SKAP1: variants seen among roughly 807,000 people sequenced by gnomAD.
The protein encoded by SKAP1 is src kinase-associated phosphoprotein 1.
In SKAP1, 44 loss-of-function variants were observed where a neutral mutation model predicts 58.5. The observed-to-expected ratio is 0.75, with a 90% CI of 0.59 to 0.97. The LOEUF (loss-of-function observed/expected upper bound fraction) is 0.97, where lower values mean the gene tolerates loss of function less well. SKAP1 is among the 50% of genes least tolerant of loss of function. The pLI, the probability that SKAP1 is intolerant of heterozygous loss-of-function variation, is 0.00. For missense variants in SKAP1, 390 were observed against 435.2 expected (o/e 0.90, Z 0.92); for synonymous variants, 127 against 149.7 (o/e 0.85, Z 1.11).
intron 4 of SKAP1, among the ~76,000 whole-genome samples, chr17:48,342,325 T>A (rs1284220649): frequency 6.6e-6 from 1 of 152,190 alleles, no homozygotes; most frequent in South Asian, 2.1e-4. Flanking sequence ...GAGAAGGAAT[T>A]GTAATTAGGT....
Position 48,430,188 on chromosome 17 carries a change from G to T in SKAP1, c.-68C>A. ...TCGGGAGGCGGACGGGCTGGAAGGC[G>T]ACCCGGCTGCACCGCGAGGCACCTG... On this transcript the variant is annotated 5_prime_UTR_variant, in exon 1 of 13. Coordinates refer to ENST00000336915, the MANE Select transcript of SKAP1 (RefSeq NM_003726.4). 4 of 1,172,636 alleles carry T rather than the reference G, an allele frequency of 3.4e-6. No individual in the cohort carries two copies. Among genetic ancestry groups the T allele is most frequent in the South Asian group, 8.5e-5 (2 of 23,470 alleles). 72.6% of individuals were successfully genotyped at this position (1,172,636 alleles called of 1,614,324 possible).
intron 3 of SKAP1, among the ~76,000 whole-genome samples, chr17:48,350,473 A>G (rs1474928432): frequency 6.6e-6 from 1 of 152,200 alleles, no homozygotes; most frequent in Non-Finnish European, 1.5e-5. Context: ...AGGCAGGCAG[A>G]TCACCTGAGT....
intron 1 of SKAP1, among the ~76,000 whole-genome samples, chr17:48,410,653 G>T (rs747070284): frequency 6.6e-6 from 1 of 151,956 alleles, no homozygotes; most frequent in Admixed American, 6.6e-5. Flanking sequence ...GAGGTCGGGC[G>T]TAGTGGCTCA....
At chr17:48,144,832 A>C (rs536922794) in intron 11 of SKAP1, among the ~76,000 whole-genome samples, 5 of 152,320 alleles carry the variant, frequency 3.3e-5, no homozygotes, top group African/African-American at 9.6e-5. Flanking sequence ...GATTGGAAAA[A>C]TGCTGAGAGG....
chr17:48,185,356 C>T (rs886147010), intron 6 of SKAP1, among the ~76,000 whole-genome samples: 1 of 152,006 alleles, frequency 6.6e-6, no homozygotes, highest in African/African-American at 2.4e-5. Flanking sequence ...GGAATTTATG[C>T]CAGAGGGAGA....
At chr17:48,241,125 G>C (rs1471121285) in intron 4 of SKAP1, among the ~76,000 whole-genome samples, 2 of 151,944 alleles carry the variant, frequency 1.3e-5, no homozygotes, top group African/African-American at 4.8e-5. Context: ...GATCATAAGG[G>C]ACCTTGTTTC....
At chr17:48,291,831 T>G (rs1270292430) in intron 4 of SKAP1, among the ~76,000 whole-genome samples, 1 of 152,220 alleles carries the variant, frequency 6.6e-6, no homozygotes, top group African/African-American at 2.4e-5. Flanking sequence ...ATGATATCCC[T>G]TTGTAATTCA....
At chr17:48,385,715 T>C (rs910138091) in intron 2 of SKAP1, among the ~76,000 whole-genome samples, 1 of 152,120 alleles carries the variant, frequency 6.6e-6, no homozygotes, top group Admixed American at 6.6e-5. Context: ...GCAGATTCTA[T>C]TTAAAAAGGC....
intron 4 of SKAP1, among the ~76,000 whole-genome samples, chr17:48,342,820 C>A (rs141742660): frequency 6.6e-6 from 1 of 151,868 alleles, no homozygotes. Context: ...CCCGTCTCTA[C>A]TAAAAATACA....
chr17:48,252,712 T>C (rs2924253), intron 4 of SKAP1, among the ~76,000 whole-genome samples: 119,472 of 148,230 alleles, frequency 0.81, 47,437 homozygotes, highest in East Asian at 0.95. Flanking sequence ...AGCTCTAAGC[T>C]AGTGTGTGTG....
rs113323442 is a variant in SKAP1, at chr17:48,379,229, G to A, written c.153-15415C>T. The stretch of plus-strand genomic sequence containing the variant: ...AAAGACACGACTGAATACACATTGC[G>A]GTGGCAAGAATCCAATATATAAATA... On this transcript the variant is annotated intron_variant, in intron 2 of 12. Transcript: ENST00000336915. Among the ~76,000 whole-genome samples, 618 of 152,192 alleles carry A rather than the reference G, an allele frequency of 4.1e-3. 8 individuals carry two copies. Among genetic ancestry groups the A allele is most frequent in the African/African-American group, 0.014 (589 of 41,514 alleles).
intron 1 of SKAP1, among the ~76,000 whole-genome samples, chr17:48,421,036 G>T (rs2067787150): frequency 6.6e-6 from 1 of 152,146 alleles, no homozygotes; most frequent in Non-Finnish European, 1.5e-5. Context: ...TGGAGGGAAA[G>T]CTGACCTTGA....
At position 48,382,181 on chromosome 17, in the gene SKAP1, T is replaced by TA. The variant is rs11285092; in HGVS notation, c.152+14498dup. ...GAATGTTAGCTGTGACTATTATTCTTAAAAAAAAAAAAAAACCCACATGGG... is the reference window on the plus strand; with the variant it reads ...GAATGTTAGCTGTGACTATTATTCTTAAAAAAAAAAAAAAAACCCACATGGG... On this transcript the variant is annotated intron_variant, in intron 2 of 12. Transcript: ENST00000336915. 4.6e-3 allele frequency among the ~76,000 whole-genome samples: 639 copies of TA among 137,430 alleles called. 2 individuals are homozygous for TA. Among genetic ancestry groups the TA allele is most frequent in the Admixed American group, 8.5e-3 (117 of 13,826 alleles). The allele number at this position is 137,430 out of a possible 152,430, so 90.2% of individuals were successfully genotyped here.
intron 4 of SKAP1, among the ~76,000 whole-genome samples, chr17:48,214,123 A>T (rs1225329917): frequency 6.6e-6 from 1 of 152,230 alleles, no homozygotes; most frequent in Non-Finnish European, 1.5e-5. Context: ...TGTAAATATC[A>T]CTGGCTTAGT....
chr17:48,152,434 A>G (rs2063912642), intron 11 of SKAP1, among the ~76,000 whole-genome samples: 1 of 152,226 alleles, frequency 6.6e-6, no homozygotes, highest in African/African-American at 2.4e-5. Flanking sequence ...TAAATAGGGC[A>G]TCTCACCAAA....
At chr17:48,394,363 A>T (rs1437902544) in intron 2 of SKAP1, among the ~76,000 whole-genome samples, 2 of 151,298 alleles carry the variant, frequency 1.3e-5, no homozygotes, top group Non-Finnish European at 2.9e-5. Context: ...TTTTTTTGAG[A>T]CAGAGTCTCA....
chr17:48,362,493 A>G (rs2066949162), intron 3 of SKAP1, among the ~76,000 whole-genome samples: 1 of 152,274 alleles, frequency 6.6e-6, no homozygotes, highest in Non-Finnish European at 1.5e-5. Context: ...CCATCCCCTG[A>G]ATAGTGCAAT....
chr17:48,241,944 T>C (rs1305331505), intron 4 of SKAP1, among the ~76,000 whole-genome samples: 1 of 152,254 alleles, frequency 6.6e-6, no homozygotes, highest in African/African-American at 2.4e-5. Flanking sequence ...TGACACATCC[T>C]GAATTCTGAA....
intron 1 of SKAP1, among the ~76,000 whole-genome samples, chr17:48,424,036 A>G (rs910850412): frequency 6.6e-6 from 1 of 152,212 alleles, no homozygotes; most frequent in Non-Finnish European, 1.5e-5. Context: ...TTGAGCTGCT[A>G]TAACAAAATA....
Sources: allele counts gnomAD v4.1 joint callset (sites outside exome capture counted in the v4.1 genomes callset), GRCh38; gene constraint gnomAD v4.1.1; transcripts MANE v1.5; gene names NCBI Gene and HGNC (gene_info 2026-07-23, HGNC 2026-07-21).